Variants in HHAT observed in about 807,000 individuals in gnomAD.
HHAT encodes the protein hedgehog acyltransferase.
A neutral mutation model predicts 70.8 loss-of-function variants in HHAT; 47 were observed. The observed-to-expected ratio is 0.66, with a 90% CI of 0.53 to 0.85. The LOEUF (loss-of-function observed/expected upper bound fraction) is 0.85. HHAT is among the 40% of genes least tolerant of loss of function. The pLI is 0.00. For synonymous variants in HHAT, 228 were observed against 247.6 expected (o/e 0.92, Z 0.74); for missense variants, 609 against 604.8 (o/e 1.01, Z -0.07).
intron 2 of HHAT, among the ~76,000 whole-genome samples, chr1:210,358,638 T>C (rs2087912511): frequency 6.6e-6 from 1 of 152,212 alleles, no homozygotes; most frequent in South Asian, 2.1e-4. Context: ...CAGTCTATTG[T>C]ACTCATGGCT....
chr1:210,365,933 A>AT (rs34661266), intron 3 of HHAT, among the ~76,000 whole-genome samples: 30 of 150,108 alleles, frequency 2.0e-4, no homozygotes, highest in South Asian at 1.1e-3. Context: ...ATTAAAAAAA[A>AT]TTTTTTTTTT....
At chr1:210,387,342 G>A (rs1409169868) in intron 3 of HHAT, 126 bp from the exon 4 acceptor site, 1 of 766,876 alleles carries the variant, frequency 1.3e-6, no homozygotes, top group Non-Finnish European at 2.2e-6. Flanking sequence ...GGCTAGAAGT[G>A]TGTAAATCCT....
chr1:210,478,720 T>A (rs146408237), intron 8 of HHAT, among the ~76,000 whole-genome samples: 3 of 152,288 alleles, frequency 2.0e-5, no homozygotes, highest in African/African-American at 7.2e-5. Flanking sequence ...TTATGACAAG[T>A]AGGGACAGGA....
intron 6 of HHAT, among the ~76,000 whole-genome samples, chr1:210,406,201 CTT>C (rs2148220784): frequency 6.6e-6 from 1 of 152,284 alleles, no homozygotes; most frequent in South Asian, 2.1e-4. Context: ...CAGCCAATAA[CTT>C]TTGGACCAAA....
intron 7 of HHAT, among the ~76,000 whole-genome samples, chr1:210,430,648 T>C (rs977353795): frequency 6.6e-6 from 1 of 151,868 alleles, no homozygotes; most frequent in Non-Finnish European, 1.5e-5. Flanking sequence ...AAAAAATCAC[T>C]GAATGACAGT....
At chr1:210,657,207 T>C (rs1676630444) in intron 11 of HHAT, among the ~76,000 whole-genome samples, 1 of 152,238 alleles carries the variant, frequency 6.6e-6, no homozygotes, top group South Asian at 2.1e-4. Context: ...AGGCACAGCC[T>C]GGCCTGCTCT....
intron 8 of HHAT, among the ~76,000 whole-genome samples, chr1:210,466,715 G>A (rs753051865): frequency 2.0e-5 from 3 of 152,088 alleles, no homozygotes; most frequent in Non-Finnish European, 4.4e-5. Flanking sequence ...AGGCAGTTTC[G>A]GCAGTTGACT....
At chr1:210,478,793 A>G (rs1406618416) in intron 8 of HHAT, among the ~76,000 whole-genome samples, 2 of 152,220 alleles carry the variant, frequency 1.3e-5, no homozygotes, top group Non-Finnish European at 2.9e-5. Context: ...GCACCTCAAA[A>G]GTGCCATTTA....
chr1:210,656,745 G>A (rs1676508111), intron 11 of HHAT, among the ~76,000 whole-genome samples: 1 of 152,144 alleles, frequency 6.6e-6, no homozygotes, highest in African/African-American at 2.4e-5. Context: ...CCCATCCCCA[G>A]GCAGCTCTCA....
rs74605164 is a variant in HHAT at position 210,543,350 on chromosome 1, C to CTT, written c.1043+30172_1043+30173dup. Among the ~76,000 whole-genome samples, 235 of 146,844 alleles carry CTT rather than the reference C, an allele frequency of 1.6e-3. 6 individuals are homozygous for CTT. The East Asian group carries it at 0.045, about 28-fold the overall frequency. On this transcript the variant is annotated intron_variant, in intron 9 of 11. Coordinates refer to ENST00000261458, the MANE Select transcript of HHAT (RefSeq NM_018194.6). ...ATTAATAATGCTCCAGGGTGTTTTT[C>CTT]TTTTTTTTTTTCCTTCTTTTTCTGT...
chr1:210,389,071 C>T (rs1190084787), intron 4 of HHAT, among the ~76,000 whole-genome samples: 4 of 151,840 alleles, frequency 2.6e-5, no homozygotes, highest in African/African-American at 9.7e-5. Context: ...ATTTTTGTTG[C>T]TTATAAGAGA....
At chr1:210,493,574 C>T (rs1409775033) in intron 8 of HHAT, among the ~76,000 whole-genome samples, 3 of 152,116 alleles carry the variant, frequency 2.0e-5, no homozygotes, top group African/African-American at 7.2e-5. Context: ...ACAACTGGTA[C>T]CATAGACTAG....
intron 10 of HHAT, among the ~76,000 whole-genome samples, chr1:210,600,763 A>G (rs1664086925): frequency 6.6e-6 from 1 of 152,132 alleles, no homozygotes; most frequent in South Asian, 2.1e-4. Context: ...TTGAAGTGAC[A>G]CCACTTCATG....
chr1:210,336,287 ATTTTTTTT>A (rs541795412), intron 1 of HHAT, among the ~76,000 whole-genome samples: 6 of 84,610 alleles, frequency 7.1e-5, no homozygotes, highest in East Asian at 5.9e-4. Context: ...TGCCTGGCTA[ATTTTTTTT>A]TTTTTTTTTT....
In HHAT at chr1:210,482,763, TAC is replaced by T. The variant is rs146976273; in HGVS notation, c.1007+18110_1007+18111del. Among the ~76,000 whole-genome samples the T allele has an allele frequency of 6.2e-3, 948 of 152,350 alleles. 10 individuals are homozygous for T. Among genetic ancestry groups the T allele is most frequent in the African/African-American group, 0.021 (890 of 41,590 alleles). ...GCATGCACAGCAGAGCTTCCGTGTA[TAC>T]AGTTTGAGTGTGAGCTTATTAGCAT... On this transcript the variant is annotated intron_variant, in intron 8 of 11. Coordinates refer to ENST00000261458, the MANE Select transcript of HHAT (RefSeq NM_018194.6).
chr1:210,666,208 G>A (rs1574106320), intron 11 of HHAT, among the ~76,000 whole-genome samples: 1 of 152,322 alleles, frequency 6.6e-6, no homozygotes, highest in South Asian at 2.1e-4. Flanking sequence ...GTAATTGATA[G>A]CTCAGACACA....
intron 8 of HHAT, among the ~76,000 whole-genome samples, chr1:210,474,072 T>A (rs933754994): frequency 6.6e-6 from 1 of 152,164 alleles, no homozygotes; most frequent in Non-Finnish European, 1.5e-5. Flanking sequence ...CTACACTCCA[T>A]CTAAAATTTA....
intron 7 of HHAT, among the ~76,000 whole-genome samples, chr1:210,427,140 G>A (rs12043880): frequency 0.44 from 66,623 of 151,902 alleles, 14,770 homozygotes; most frequent in Admixed American, 0.53. Context: ...AATATTCTCT[G>A]ATGGTTGTTT....
At chr1:210,502,861 A>G (rs1388350814) in intron 8 of HHAT, among the ~76,000 whole-genome samples, 3 of 152,296 alleles carry the variant, frequency 2.0e-5, no homozygotes, top group East Asian at 1.9e-4. Flanking sequence ...TTAAGGCACA[A>G]CACCTGGAGT....
Sources: allele counts gnomAD v4.1 joint callset (sites outside exome capture counted in the v4.1 genomes callset), GRCh38; gene constraint gnomAD v4.1.1; transcripts MANE v1.5; gene names NCBI Gene and HGNC (gene_info 2026-07-23, HGNC 2026-07-21).